Variants in ESRRG observed in about 807,000 individuals in gnomAD.
ESRRG encodes the protein estrogen related receptor gamma.
In ESRRG, 13 loss-of-function variants were observed where a neutral mutation model predicts 44.0. The observed-to-expected ratio is 0.30, with a 90% CI of 0.19 to 0.47. ESRRG has a LOEUF of 0.47. ESRRG is among the 20% of genes least tolerant of loss of function. The pLI is 1.00. For synonymous variants in ESRRG, 215 were observed against 214.6 expected, an observed-to-expected ratio of 1.00 and a Z score of -0.02; for missense variants, 395 against 580.6, an observed-to-expected ratio of 0.68 and a Z score of 3.29.
chr1:216,873,995 G>A (rs1421952452), intron 2 of ESRRG, among the ~76,000 whole-genome samples: 2 of 124,822 alleles, frequency 1.6e-5, no homozygotes, highest in Non-Finnish European at 3.5e-5. Flanking sequence ...GGGGGAAGGA[G>A]GGAGGGAGGG....
chr1:217,023,720 C>A (rs186686790), intron 1 of ESRRG, among the ~76,000 whole-genome samples: 1 of 152,190 alleles, frequency 6.6e-6, no homozygotes, highest in Non-Finnish European at 1.5e-5. Flanking sequence ...GAATGATTTG[C>A]TCCCTGCCCA....
At chr1:216,777,436 T>C (rs750096778) in intron 2 of ESRRG, among the ~76,000 whole-genome samples, 3 of 152,088 alleles carry the variant, frequency 2.0e-5, no homozygotes, top group Non-Finnish European at 4.4e-5. Flanking sequence ...ATATCACACT[T>C]CCAGACTGCT....
intron 2 of ESRRG, among the ~76,000 whole-genome samples, chr1:216,668,466 T>C (rs1267466871): frequency 6.6e-6 from 1 of 152,226 alleles, no homozygotes; most frequent in African/African-American, 2.4e-5. Flanking sequence ...TTAATAAACA[T>C]GTAAATCACA....
intron 2 of ESRRG, among the ~76,000 whole-genome samples, chr1:216,767,270 C>A (rs2093129775): frequency 1.3e-5 from 2 of 150,572 alleles, no homozygotes; most frequent in South Asian, 4.2e-4. Flanking sequence ...GGACAAAAAA[C>A]ACACACACAC....
chr1:216,593,274 T>C (rs1242991684), intron 3 of ESRRG, among the ~76,000 whole-genome samples: 1 of 152,252 alleles, frequency 6.6e-6, no homozygotes, highest in Non-Finnish European at 1.5e-5. Flanking sequence ...TTAATTGTTT[T>C]CTTTTTAAAG....
At chr1:216,529,145 A>T (rs1173991601) in intron 5 of ESRRG, among the ~76,000 whole-genome samples, 1 of 152,136 alleles carries the variant, frequency 6.6e-6, no homozygotes, top group East Asian at 1.9e-4. Flanking sequence ...TGCTGTGGGA[A>T]CCTGCATAAC....
chr1:217,122,506 C>T (rs1259570770), intron 1 of ESRRG, among the ~76,000 whole-genome samples: 1 of 152,050 alleles, frequency 6.6e-6, no homozygotes, highest in East Asian at 1.9e-4. Context: ...ATCTCAGTAG[C>T]TTAATACATT....
intron 2 of ESRRG, among the ~76,000 whole-genome samples, chr1:216,818,488 C>A (rs1424409642): frequency 6.6e-6 from 1 of 152,194 alleles, no homozygotes; most frequent in Non-Finnish European, 1.5e-5. Flanking sequence ...GCACACTGGT[C>A]ATCAGATGCC....
At chr1:216,543,487 A>T (rs1323470098) in intron 5 of ESRRG, among the ~76,000 whole-genome samples, 5 of 152,006 alleles carry the variant, frequency 3.3e-5, no homozygotes, top group Non-Finnish European at 5.9e-5. Flanking sequence ...TTTATATCAC[A>T]CCAGGATCCC....
At chr1:216,972,050 G>A (rs1343966500) in intron 1 of ESRRG, among the ~76,000 whole-genome samples, 1 of 152,082 alleles carries the variant, frequency 6.6e-6, no homozygotes, top group East Asian at 1.9e-4. Context: ...GAACAAAATT[G>A]GTAGAGTTTT....
intron 2 of ESRRG, among the ~76,000 whole-genome samples, chr1:216,655,866 T>C (rs756209429): frequency 6.6e-6 from 1 of 152,202 alleles, no homozygotes; most frequent in African/African-American, 2.4e-5. Flanking sequence ...CTTTGATCCA[T>C]GTTAGAGTCT....
chr1:216,634,159 A>C (rs1233870338), intron 3 of ESRRG, among the ~76,000 whole-genome samples: 1 of 152,192 alleles, frequency 6.6e-6, no homozygotes, highest in African/African-American at 2.4e-5. Flanking sequence ...CTGAAGCATA[A>C]TGCTTCAGGT....
At chr1:216,993,978 A>G (rs1452689654) in intron 1 of ESRRG, among the ~76,000 whole-genome samples, 2 of 152,184 alleles carry the variant, frequency 1.3e-5, no homozygotes, top group Non-Finnish European at 2.9e-5. Context: ...AACAGGAGCC[A>G]ATGTTTTAAT....
chr1:216,912,183 A>AAGAAAAGAAAAGAAAAGAAG (rs1560083326), intron 2 of ESRRG, among the ~76,000 whole-genome samples: 2 of 21,156 alleles, frequency 9.5e-5, no homozygotes, highest in Non-Finnish European at 1.6e-4. Context: ...AAGAAAAGAA[A>AAGAAAAGAAAAGAAAAGAAG]AGGAGAGGAG....
chr1:217,084,012 C>T (rs1167492368), intron 1 of ESRRG, among the ~76,000 whole-genome samples: 1 of 151,962 alleles, frequency 6.6e-6, no homozygotes, highest in Non-Finnish European at 1.5e-5. Context: ...CGTGGGATTG[C>T]TTGCTACATC....
Position 217,051,214 on chromosome 1 carries a change from G to GGC in ESRRG, c.-106+38292_-106+38293insGC, listed in dbSNP as rs1031925834. On this transcript the variant is annotated intron_variant, in intron 1 of 7. Transcript: ENST00000359162. ...AGTGGATAATGGGGGCGGGGGGGGG[G>GGC]GGTGCCAGGGGAATTGTAAGACTGG... Among the ~76,000 whole-genome samples the GGC allele has an allele frequency of 7.8e-5, 9 of 116,070 alleles. No homozygotes were observed. The South Asian group carries it at 1.6e-3, about 20-fold the overall frequency. The allele number at this position is 116,070 out of a possible 152,430, so 76.1% of individuals were successfully genotyped here. A position where few individuals can be genotyped will look rare whatever the true frequency, so the allele number is the denominator to read the frequency against.
intron 2 of ESRRG, among the ~76,000 whole-genome samples, chr1:216,728,939 C>G (rs2088140398): frequency 6.6e-6 from 1 of 152,098 alleles, no homozygotes; most frequent in African/African-American, 2.4e-5. Flanking sequence ...GTCTCCTTCC[C>G]CCAACCAAGG....
chr1:216,892,236 T>A, intron 2 of ESRRG, among the ~76,000 whole-genome samples: 1 of 152,200 alleles, frequency 6.6e-6, no homozygotes, highest in East Asian at 1.9e-4. Context: ...AATTAGAACA[T>A]AATGTTAAAC....
chr1:216,945,350 T>C (rs887929785), intron 1 of ESRRG, among the ~76,000 whole-genome samples: 3 of 152,138 alleles, frequency 2.0e-5, no homozygotes, highest in African/African-American at 4.8e-5. Flanking sequence ...ATTTAAAAGA[T>C]GTAACATGAT....
Sources: allele counts gnomAD v4.1 joint callset (sites outside exome capture counted in the v4.1 genomes callset), GRCh38; gene constraint gnomAD v4.1.1; transcripts MANE v1.5; gene names NCBI Gene and HGNC (gene_info 2026-07-23, HGNC 2026-07-21).